The following CTBP2 variants were observed in gnomAD, a reference collection of about 807,000 sequenced individuals.
CTBP2 encodes the protein C-terminal binding protein 2.
CTBP2 carries 30 observed loss-of-function variants against 80.3 expected under a neutral mutation model. That is an observed-to-expected ratio of 0.37 (90% CI 0.28 to 0.51). The LOEUF (loss-of-function observed/expected upper bound fraction) is 0.51. Among genes scored for constraint, CTBP2 ranks in the 20% least tolerant of loss-of-function variants. CTBP2 has a pLI of 0.93. For synonymous variants in CTBP2, 594 were observed against 587.4 expected, an observed-to-expected ratio of 1.01 and a Z score of -0.16; for missense variants, 1,212 against 1,375.3, an observed-to-expected ratio of 0.88 and a Z score of 1.88.
chr10:125,049,046 GACACACACACAC>G (rs1178000125), intron 2 of CTBP2, among the ~76,000 whole-genome samples: 42 of 89,738 alleles, frequency 4.7e-4, no homozygotes, highest in South Asian at 3.3e-3. Flanking sequence ...CCTGACCACA[GACACACACACAC>G]ACACACACAC....
chr10:125,132,480 G>T (rs988044444), intron 1 of CTBP2, among the ~76,000 whole-genome samples: 5 of 152,168 alleles, frequency 3.3e-5, no homozygotes, highest in Admixed American at 2.6e-4. Context: ...ACAGTTGGGG[G>T]ACTTGGCAGC....
chr10:125,092,836 CAT>C (rs761179397), intron 2 of CTBP2, among the ~76,000 whole-genome samples: 4 of 151,976 alleles, frequency 2.6e-5, no homozygotes, highest in Non-Finnish European at 5.9e-5. Flanking sequence ...CCAGTTACCA[CAT>C]GAGAGCGACA....
At position 125,050,568 on chromosome 10, in the gene CTBP2, C is replaced by T. The variant is rs147171299; in HGVS notation, c.-101-11413G>A. 3.4e-3 allele frequency among the ~76,000 whole-genome samples: 525 copies of T among 152,244 alleles called. 3 individuals are homozygous for T. Among genetic ancestry groups the T allele is most frequent in the African/African-American group, 0.012 (498 of 41,530 alleles). On this transcript the variant is annotated intron_variant, in intron 2 of 10. Transcript: ENST00000337195. ...GGGGAGGAGGAGGGTGGGACACTCC[C>T]GTGTCACACAAATTCATCTTTGCCT...
At position 125,157,317 on chromosome 10, in the gene CTBP2, T is replaced by G. The variant is rs77676403; in HGVS notation, c.-206+3002A>C. Among the ~76,000 whole-genome samples the G allele has an allele frequency of 1.1e-3, 160 of 141,666 alleles. 1 individual carries two copies. Among genetic ancestry groups the G allele is most frequent in the African/African-American group, 4.1e-3 (157 of 37,912 alleles). 92.9% of individuals were successfully genotyped at this position (141,666 alleles called of 152,430 possible). A position where few individuals can be genotyped will look rare whatever the true frequency, so the allele number is the denominator to read the frequency against. On this transcript the variant is annotated intron_variant, in intron 1 of 10. Transcript: ENST00000337195. ...CAAAGCTCCCAGGCGAAACCGTAAA[T>G]AACTCACAGGGTTCTGCATTCAACC...
rs531152578 is a variant in CTBP2, at chr10:125,028,066, G to A, written c.-307C>T. 4.9e-6 allele frequency: 2 copies of A among 406,876 alleles called. No individual in the cohort carries two copies. The highest frequency in any genetic ancestry group is 4.3e-5 in the South Asian group (1 of 23,350). 25.2% of individuals were successfully genotyped at this position (406,876 alleles called of 1,614,324 possible). A position where few individuals can be genotyped will look rare whatever the true frequency, so the allele number is the denominator to read the frequency against. On this transcript the variant is annotated 5_prime_UTR_variant, in exon 1 of 9. Coordinates refer to ENST00000309035, the MANE Select transcript of CTBP2 (RefSeq NM_022802.3). ...TGCCAGGTCCCCCTTCCTGGCTGGTGTGCTCACATGGACCAGGGCTCTCTC... is the reference window on the plus strand; with the variant it reads ...TGCCAGGTCCCCCTTCCTGGCTGGTATGCTCACATGGACCAGGGCTCTCTC...
intron 2 of CTBP2, 80 bp from the exon 5 acceptor site, chr10:125,003,184 A>G (rs750771534): frequency 6.6e-5 from 106 of 1,597,794 alleles, no homozygotes; most frequent in Non-Finnish European, 8.6e-5. Flanking sequence ...CCCTGGCCCT[A>G]TCACCCTTGA....
At chr10:125,112,497 C>T (rs1420414308) in intron 1 of CTBP2, among the ~76,000 whole-genome samples, 4 of 150,370 alleles carry the variant, frequency 2.7e-5, no homozygotes, top group South Asian at 2.1e-4. Flanking sequence ...GGCGCCGTCT[C>T]GGCTCACTGC....
chr10:125,147,993 C>CT (rs1859108516), intron 1 of CTBP2, among the ~76,000 whole-genome samples: 1 of 152,196 alleles, frequency 6.6e-6, no homozygotes, highest in African/African-American at 2.4e-5. Context: ...ACAACACACC[C>CT]TCTCCTTACC....
intron 2 of CTBP2, among the ~76,000 whole-genome samples, chr10:125,041,504 A>ACCCCCCCCCC (rs10559259): frequency 4.4e-5 from 4 of 91,128 alleles, no homozygotes; most frequent in Admixed American, 1.2e-4. Flanking sequence ...GTCCATCCCC[A>ACCCCCCCCCC]CCCCCCCCCC....
At chr10:125,116,101 A>ACCTGGTC (rs1176106763) in intron 1 of CTBP2, among the ~76,000 whole-genome samples, 1 of 151,786 alleles carries the variant, frequency 6.6e-6, no homozygotes, top group Non-Finnish European at 1.5e-5. Context: ...CAAAACAGAA[A>ACCTGGTC]CCTGGTCCCT....
chr10:124,990,550 AC>A (rs1952471554), intron 8 of CTBP2, among the ~76,000 whole-genome samples: 1 of 152,226 alleles, frequency 6.6e-6, no homozygotes, highest in Admixed American at 6.5e-5. Flanking sequence ...ATTTAAAAAA[AC>A]CCACTTTGTA....
Position 125,133,913 on chromosome 10 carries a change from T to C in CTBP2, c.-205-22820A>G, listed in dbSNP as rs913212552. On this transcript the variant is annotated intron_variant, in intron 1 of 10. Transcript: ENST00000337195. ...CAACTGACTTCTGAATGGCAGGCAC[T>C]TCCTAACCACGGCTGGAAGACTGGA... Among the ~76,000 whole-genome samples the C allele has an allele frequency of 2.0e-5, 3 of 152,232 alleles. No individual in the cohort carries two copies. The East Asian group carries it at 5.8e-4, about 29-fold the overall frequency.
At chr10:125,082,026 A>G (rs1019071679) in intron 2 of CTBP2, among the ~76,000 whole-genome samples, 3 of 152,178 alleles carry the variant, frequency 2.0e-5, no homozygotes, top group Non-Finnish European at 2.9e-5. Context: ...GCTGTGTGCC[A>G]GAGAATTCCA....
At chr10:125,058,777 T>C (rs1230207840) in intron 2 of CTBP2, among the ~76,000 whole-genome samples, 1 of 151,940 alleles carries the variant, frequency 6.6e-6, no homozygotes, top group Admixed American at 6.5e-5. Context: ...ACCTGTAATC[T>C]CCACAACTCA....
rs529399734 is a variant in CTBP2 at position 124,992,948 on chromosome 10, C to CTCGAA, written c.2660-137_2660-136insTTCGA. The stretch of plus-strand genomic sequence containing the variant: ...ACATCCAAAGGCCCAAGTGCTTGAG[C>CTCGAA]TCTTCAACACTGACCTTCAGCCTCT... On this transcript the variant is annotated intron_variant, in intron 7 of 8. Coordinates refer to ENST00000309035, the MANE Select transcript of CTBP2 (RefSeq NM_022802.3). 2.6e-4 allele frequency: 214 copies of CTCGAA among 833,070 alleles called. No individual in the cohort carries two copies. In the African/African-American group the frequency reaches 3.3e-3, roughly 13 times the overall value. 51.6% of individuals were successfully genotyped at this position (833,070 alleles called of 1,614,324 possible). A position where few individuals can be genotyped will look rare whatever the true frequency, so the allele number is the denominator to read the frequency against.
chr10:125,112,625 C>T (rs1852496451), intron 1 of CTBP2, among the ~76,000 whole-genome samples: 1 of 151,894 alleles, frequency 6.6e-6, no homozygotes, highest in Non-Finnish European at 1.5e-5. Flanking sequence ...GACGAGGTTT[C>T]ACCATGTTGG....
chr10:125,142,526 G>A (rs1230124009), intron 1 of CTBP2, among the ~76,000 whole-genome samples: 1 of 152,208 alleles, frequency 6.6e-6, no homozygotes, highest in African/African-American at 2.4e-5. Flanking sequence ...ACTTTCCTCG[G>A]TGATGGGATG....
In CTBP2 at chr10:125,072,856, G is replaced by C. The variant is rs372671160; in HGVS notation, c.-101-33701C>G. ...AGTAAAAGCTAGTCTCAGATATTCAGTATGTTCCCCTTGATACATGTCTCA... is the reference window on the plus strand; with the variant it reads ...AGTAAAAGCTAGTCTCAGATATTCACTATGTTCCCCTTGATACATGTCTCA... On this transcript the variant is annotated intron_variant, in intron 2 of 10. Coordinates refer to the CTBP2 transcript ENST00000337195. 7.9e-5 allele frequency among the ~76,000 whole-genome samples: 12 copies of C among 152,214 alleles called. No homozygotes were observed. In the East Asian group the frequency reaches 1.4e-3, roughly 17 times the overall value.
At chr10:125,023,281 G>A (rs1378339072) in intron 1 of CTBP2, among the ~76,000 whole-genome samples, 6 of 152,232 alleles carry the variant, frequency 3.9e-5, no homozygotes, top group East Asian at 1.9e-4. Flanking sequence ...CTGGGACTGC[G>A]TTTCTCACAT....
Sources: gnomAD v4.1 joint callset for allele counts (sites outside exome capture counted in the v4.1 genomes callset) on GRCh38, gnomAD v4.1.1 for gene constraint, MANE v1.5 for transcripts, NCBI Gene and HGNC (gene_info 2026-07-23, HGNC 2026-07-21) for gene names.